The following YWHAG variants were observed in gnomAD, a reference collection of about 807,000 sequenced individuals.
YWHAG encodes the protein 14-3-3 protein gamma.
In YWHAG, 1 loss-of-function variant was observed where a neutral mutation model predicts 23.3. The observed-to-expected ratio is 0.04, with a 90% CI of 0.02 to 0.20. YWHAG has a LOEUF of 0.20. Ranked by LOEUF, YWHAG falls within the 10% of genes least tolerant of loss-of-function variation. The probability of loss-of-function intolerance (pLI) is 1.00; values close to 1 mark genes in which losing one functional copy is unlikely to be tolerated. For missense variants in YWHAG, 151 were observed against 338.6 expected (o/e 0.45, Z 4.35); for synonymous variants, 160 against 144.0 (o/e 1.11, Z -0.80).
intron 1 of YWHAG, among the ~76,000 whole-genome samples, chr7:76,333,306 G>C (rs983429819): frequency 3.9e-5 from 6 of 152,172 alleles, no homozygotes; most frequent in Non-Finnish European, 8.8e-5. Flanking sequence ...GTCTCACTAT[G>C]TTGCCCAGGC....
chr7:76,351,596 T>A (rs1031606883), intron 1 of YWHAG, among the ~76,000 whole-genome samples: 11 of 152,308 alleles, frequency 7.2e-5, no homozygotes, highest in African/African-American at 2.6e-4. Context: ...CCGCCTCCTG[T>A]CAGATCAGCG....
chr7:76,332,459 A>C (rs562295738), intron 1 of YWHAG, among the ~76,000 whole-genome samples: 1 of 152,332 alleles, frequency 6.6e-6, no homozygotes, highest in Admixed American at 6.5e-5. Flanking sequence ...TCTTATCTGC[A>C]AAATGGGGAT....
Position 76,327,679 on chromosome 7 carries a change from C to CCG in YWHAG, c.*1897_*1898insCG, listed in dbSNP as rs1803467378. The CCG allele has an allele frequency of 1.0e-5, 1 of 95,274 alleles. No homozygotes were observed. Among genetic ancestry groups the CCG allele is most frequent in the Non-Finnish European group, 2.1e-5 (1 of 47,328 alleles). The allele number at this position is 95,274 out of a possible 1,614,324, so 5.9% of individuals were successfully genotyped here. Reference sequence around the variant, plus strand: ...GCCCCACCTACCCTGCCCCCCCCCCCCTCCCCCCCCAAATCGTCTTCCTCC... The same window carrying CCG: ...GCCCCACCTACCCTGCCCCCCCCCCCCGCTCCCCCCCCAAATCGTCTTCCTCC... On this transcript the variant is annotated 3_prime_UTR_variant, in exon 2 of 2. Coordinates refer to ENST00000307630, the MANE Select transcript of YWHAG (RefSeq NM_012479.4).
chr7:76,354,157 A>C (rs1342602095), intron 1 of YWHAG, among the ~76,000 whole-genome samples: 1 of 152,142 alleles, frequency 6.6e-6, no homozygotes, highest in Non-Finnish European at 1.5e-5. Flanking sequence ...GAAGGCAAAG[A>C]GAAGATAACG....
rs71085403 is a variant in YWHAG, at chr7:76,327,668, G to GCCCCCCCCCCCCCCCCCCCCCC, written c.*1908_*1909insGGGGGGGGGGGGGGGGGGGGGG. ...AATTAGGGAAAGCCCCACCTACCCT[G>GCCCCCCCCCCCCCCCCCCCCCC]CCCCCCCCCCCCTCCCCCCCCAAAT... On this transcript the variant is annotated 3_prime_UTR_variant, in exon 2 of 2. Transcript: ENST00000307630. 69 of 47,108 alleles carry GCCCCCCCCCCCCCCCCCCCCCC rather than the reference G, an allele frequency of 1.5e-3. No individual in the cohort carries two copies. The highest frequency in any genetic ancestry group is 0.01 in the Middle Eastern group (1 of 98). The allele number at this position is 47,108 out of a possible 1,614,324, so 2.9% of individuals were successfully genotyped here. A position where few individuals can be genotyped will look rare whatever the true frequency, so the allele number is the denominator to read the frequency against.
chr7:76,357,860 G>A (rs1298357837), intron 1 of YWHAG, among the ~76,000 whole-genome samples: 2 of 152,036 alleles, frequency 1.3e-5, no homozygotes, highest in African/African-American at 4.8e-5. Context: ...CAACTTATAG[G>A]AATTTCAACA....
intron 1 of YWHAG, among the ~76,000 whole-genome samples, chr7:76,347,566 A>G (rs1411516064): frequency 6.6e-6 from 1 of 150,520 alleles, no homozygotes; most frequent in African/African-American, 2.5e-5. Context: ...AGCCTGGGAA[A>G]TAAGAGGGAA....
chr7:76,327,987 C>A lies in YWHAG; in HGVS notation c.*1590G>T, dbSNP rs971586758. On this transcript the variant is annotated 3_prime_UTR_variant, in exon 2 of 2. Transcript: ENST00000307630. ...TTAGCAAAAGCATCTGTCAGTTTTT[C>A]CTCAATTACTCACACCTCTTCTTGC... 6.6e-6 allele frequency: 1 copy of A among 152,008 alleles called. No homozygotes were observed. The allele number at this position is 152,008 out of a possible 1,614,324, so 9.4% of individuals were successfully genotyped here. A position where few individuals can be genotyped will look rare whatever the true frequency, so the allele number is the denominator to read the frequency against.
intron 1 of YWHAG, among the ~76,000 whole-genome samples, chr7:76,331,479 C>T (rs1443524550): frequency 6.6e-6 from 1 of 152,094 alleles, no homozygotes; most frequent in Non-Finnish European, 1.5e-5. Context: ...GCATGTAGCC[C>T]AGGATGGCTT....
intron 1 of YWHAG, among the ~76,000 whole-genome samples, chr7:76,346,852 C>CT (rs1250406457): frequency 6.6e-6 from 1 of 152,186 alleles, no homozygotes; most frequent in Admixed American, 6.5e-5. Context: ...GAAGGCCCTT[C>CT]GTGAACTGTT....
chr7:76,329,775 G>A lies in YWHAG; in HGVS notation c.546C>T (p.Phe182=). Residue 182 remains phenylalanine, a synonymous_variant, in exon 2 of 2, where the codon TTC becomes TTT. Coordinates refer to ENST00000307630, the MANE Select transcript of YWHAG (RefSeq NM_012479.4). This position sits in a 1 kb window ranked among gnomAD's most constrained non-coding sequence, Gnocchi z 6.1. ...CTGGGGCGTTCTGGATCTCATAGTA[G>A]AAGACGGAGTAGTTAAGAGCCAGGC... ...RLGLALNYSV[F]YYEIQNAPEQ... is the part of the protein sequence containing the mutation. 3 of 1,614,032 alleles carry A rather than the reference G, an allele frequency of 1.9e-6. No individual in the cohort carries two copies. The highest frequency in any genetic ancestry group is 2.5e-6 in the Non-Finnish European group (3 of 1,180,018).
intron 1 of YWHAG, among the ~76,000 whole-genome samples, chr7:76,358,209 T>G (rs1429721152): frequency 2.0e-5 from 3 of 152,054 alleles, no homozygotes; most frequent in Non-Finnish European, 4.4e-5. Context: ...CTCAGGGATG[T>G]GTCGGGACAG....
chr7:76,358,692 G>C (rs1157721290), intron 1 of YWHAG, 30 bp downstream of exon 1: 2 of 1,538,662 alleles, frequency 1.3e-6, no homozygotes, highest in African/African-American at 2.8e-5. Context: ...GAGGGGCAGG[G>C]AGCGGCGGGG....
At chr7:76,349,337 CAAA>C (rs35871141) in intron 1 of YWHAG, among the ~76,000 whole-genome samples, 5 of 118,908 alleles carry the variant, frequency 4.2e-5, no homozygotes, top group Admixed American at 8.8e-5. Context: ...GACTCTGTCT[CAAA>C]AAAAAAAAAA....
At chr7:76,354,995 C>T (rs113821894) in intron 1 of YWHAG, among the ~76,000 whole-genome samples, 2,155 of 152,294 alleles carry the variant, frequency 0.014, 35 homozygotes, top group South Asian at 0.059. Flanking sequence ...AAGGGATAGA[C>T]AATTATCGCT....
chr7:76,351,376 C>A (rs141899774), intron 1 of YWHAG, among the ~76,000 whole-genome samples: 2 of 105,146 alleles, frequency 1.9e-5, no homozygotes, highest in Non-Finnish European at 3.5e-5. Context: ...TTCTTCTCGC[C>A]TTTCTGAGTA....
At chr7:76,342,516 T>A (rs963808862) in intron 1 of YWHAG, among the ~76,000 whole-genome samples, 1 of 152,172 alleles carries the variant, frequency 6.6e-6, no homozygotes, top group Non-Finnish European at 1.5e-5. Flanking sequence ...TCCCTACAAC[T>A]GCCATTCGCT....
chr7:76,329,794 G>A lies in YWHAG; in HGVS notation c.527C>T (p.Ala176Val), dbSNP rs1218412501. The A allele has an allele frequency of 2.5e-6, 4 of 1,613,890 alleles. No individual in the cohort carries two copies. Among genetic ancestry groups the A allele is most frequent in the Non-Finnish European group, 3.4e-6 (4 of 1,179,992 alleles). ...QPTHPIRLGL[A>V]LNYSVFYYEI... ...ATAGTAGAAGACGGAGTAGTTAAGA[G>A]CCAGGCCTAATCGGATGGGGTGGGT... The change falls in exon 2 of 2, where the codon GCT becomes GTT. Residue 176 changes from alanine (A) to valine (V), a missense_variant. Physicochemically the swap from Ala to Val is moderately conservative, Grantham distance 64. Coordinates refer to ENST00000307630, the MANE Select transcript of YWHAG (RefSeq NM_012479.4). This position sits in a 1 kb window ranked among gnomAD's most constrained non-coding sequence, Gnocchi z 6.1.
chr7:76,337,917 C>G (rs1286217485), intron 1 of YWHAG, among the ~76,000 whole-genome samples: 6 of 152,202 alleles, frequency 3.9e-5, no homozygotes, highest in Non-Finnish European at 5.9e-5. Context: ...CCCAGTACAT[C>G]ACCAAGCCTG....
Sources: allele counts gnomAD v4.1 joint callset (sites outside exome capture counted in the v4.1 genomes callset), GRCh38; gene constraint gnomAD v4.1.1; non-coding constraint Gnocchi (gnomAD v3.1); transcripts MANE v1.5; gene names NCBI Gene and HGNC (gene_info 2026-07-23, HGNC 2026-07-21).